The following CDH18 variants were observed in gnomAD, a reference collection of about 807,000 sequenced individuals.
The protein encoded by CDH18 is cadherin 18, also known as cadherin-18.
A neutral mutation model predicts 67.9 loss-of-function variants in CDH18; 31 were observed. The observed-to-expected ratio is 0.46, with a 90% CI of 0.34 to 0.62. The LOEUF (loss-of-function observed/expected upper bound fraction) is 0.62. Among genes scored for constraint, CDH18 ranks in the 20% least tolerant of loss-of-function variants. The probability of loss-of-function intolerance (pLI) is 0.01; values close to 1 mark genes in which losing one functional copy is unlikely to be tolerated. For synonymous variants in CDH18, 362 were observed against 347.2 expected, an observed-to-expected ratio of 1.04 and a Z score of -0.48; for missense variants, 890 against 975.5, an observed-to-expected ratio of 0.91 and a Z score of 1.17.
intron 2 of CDH18, among the ~76,000 whole-genome samples, chr5:20,198,947 C>T (rs1005117668): frequency 6.6e-6 from 1 of 152,188 alleles, no homozygotes; most frequent in Non-Finnish European, 1.5e-5. Context: ...GCACAGAAGA[C>T]AATAATTGAG....
At chr5:19,920,561 T>G (rs1206439943) in intron 2 of CDH18, among the ~76,000 whole-genome samples, 29 of 147,720 alleles carry the variant, frequency 2.0e-4, no homozygotes, top group Non-Finnish European at 3.0e-5. Context: ...TCGCCTAGTC[T>G]GGAGTACAAT....
intron 1 of CDH18, among the ~76,000 whole-genome samples, chr5:20,536,849 T>C (rs974442258): frequency 6.6e-6 from 1 of 152,112 alleles, no homozygotes; most frequent in Middle Eastern, 3.2e-3. Flanking sequence ...TGAAAAGGGA[T>C]ATGAAAATGG....
intron 2 of CDH18, among the ~76,000 whole-genome samples, chr5:19,965,491 C>G (rs1353092716): frequency 6.6e-6 from 1 of 152,102 alleles, no homozygotes; most frequent in African/African-American, 2.4e-5. Context: ...AACACACTCC[C>G]CTGATACAGG....
chr5:19,599,697 T>C (rs551435140), intron 6 of CDH18, among the ~76,000 whole-genome samples: 11 of 151,798 alleles, frequency 7.2e-5, no homozygotes, highest in Admixed American at 5.2e-4. Flanking sequence ...GATCAAGAGA[T>C]CGAGACCATC....
At chr5:19,846,358 A>G (rs1782948158) in intron 2 of CDH18, among the ~76,000 whole-genome samples, 1 of 152,108 alleles carries the variant, frequency 6.6e-6, no homozygotes, top group South Asian at 2.1e-4. Context: ...TTGTGTACCA[A>G]TTAATATATT....
intron 5 of CDH18, among the ~76,000 whole-genome samples, chr5:19,694,529 G>A (rs573446265): frequency 6.6e-6 from 1 of 152,156 alleles, no homozygotes; most frequent in Non-Finnish European, 1.5e-5. Context: ...TAACTATAAA[G>A]TTTAGTCAAT....
chr5:19,489,301 G>A lies in CDH18; in HGVS notation c.1631-5749C>T, dbSNP rs531538313. 2.2e-3 allele frequency among the ~76,000 whole-genome samples: 313 copies of A among 144,426 alleles called. 1 individual carries two copies. The highest frequency in any genetic ancestry group is 3.6e-3 in the Non-Finnish European group (238 of 67,020). 94.7% of individuals were successfully genotyped at this position (144,426 alleles called of 152,430 possible). A position where few individuals can be genotyped will look rare whatever the true frequency, so the allele number is the denominator to read the frequency against. On this transcript the variant is annotated intron_variant, in intron 11 of 12. Coordinates refer to ENST00000382275, the MANE Select transcript of CDH18 (RefSeq NM_004934.5). ...CTCTCTCTGTCGCCCAGGCTGGAGT[G>A]CAGTGGTGCAATCTTGGCTCACTGC...
At chr5:19,601,392 A>G (rs1026172237) in intron 6 of CDH18, among the ~76,000 whole-genome samples, 5 of 152,222 alleles carry the variant, frequency 3.3e-5, no homozygotes, top group African/African-American at 1.2e-4. Flanking sequence ...ATGACTTACC[A>G]TGACAAAATT....
intron 2 of CDH18, among the ~76,000 whole-genome samples, chr5:20,031,272 T>A (rs1739370752): frequency 6.6e-6 from 1 of 152,136 alleles, no homozygotes; most frequent in Non-Finnish European, 1.5e-5. Flanking sequence ...AAACCCAGGA[T>A]TCTTTAGCAT....
At chr5:20,556,699 T>G (rs1249356184) in intron 1 of CDH18, among the ~76,000 whole-genome samples, 1 of 152,142 alleles carries the variant, frequency 6.6e-6, no homozygotes, top group Non-Finnish European at 1.5e-5. Context: ...CCCACTCCCT[T>G]CCATCCAGCC....
At chr5:19,701,534 C>G (rs553443383) in intron 5 of CDH18, among the ~76,000 whole-genome samples, 1 of 152,086 alleles carries the variant, frequency 6.6e-6, no homozygotes, top group Non-Finnish European at 1.5e-5. Flanking sequence ...CCCCTTTGGT[C>G]ATAGATCACA....
At chr5:20,542,157 C>T (rs1003068631) in intron 1 of CDH18, among the ~76,000 whole-genome samples, 1 of 152,088 alleles carries the variant, frequency 6.6e-6, no homozygotes, top group Non-Finnish European at 1.5e-5. Context: ...TGTTCACCAT[C>T]AGAGTTCAGT....
intron 1 of CDH18, among the ~76,000 whole-genome samples, chr5:20,487,919 T>A (rs1206536821): frequency 6.6e-6 from 1 of 152,130 alleles, no homozygotes; most frequent in East Asian, 1.9e-4. Context: ...TTCGAGATCC[T>A]AATGTAAAAC....
At chr5:19,775,719 G>A (rs527329718) in intron 3 of CDH18, among the ~76,000 whole-genome samples, 1 of 152,226 alleles carries the variant, frequency 6.6e-6, no homozygotes, top group South Asian at 2.1e-4. Flanking sequence ...AAATATCCAA[G>A]CTATATCAGT....
intron 1 of CDH18, among the ~76,000 whole-genome samples, chr5:20,323,861 T>C (rs1195378578): frequency 2.0e-5 from 3 of 152,184 alleles, no homozygotes; most frequent in African/African-American, 7.2e-5. Context: ...CTTTCAAATA[T>C]CCAGAATTCT....
At position 19,571,648 on chromosome 5, in the gene CDH18, T is replaced by A; in HGVS notation, c.1184A>T (p.Asn395Ile). The change falls in exon 8 of 13, where the codon AAT becomes ATT. Residue 395 changes from asparagine to isoleucine, a missense_variant. Coordinates refer to ENST00000382275, the MANE Select transcript of CDH18 (RefSeq NM_004934.5). ...ACCAACGACGGTCCCAATCTTGGCA[T>A]TTTCGTAGACTTCCATGAGGTAGGA... ...MPSYLMEVYE[N>I]AKIGTVVGTV... 1 of 1,613,998 alleles carries A rather than the reference T, an allele frequency of 6.2e-7. No homozygotes were observed. Among genetic ancestry groups the A allele is most frequent in the Non-Finnish European group, 8.5e-7 (1 of 1,179,920 alleles).
intron 5 of CDH18, among the ~76,000 whole-genome samples, chr5:19,624,376 T>A (rs1468212578): frequency 6.6e-6 from 1 of 152,144 alleles, no homozygotes; most frequent in Non-Finnish European, 1.5e-5. Context: ...GCATGCTATA[T>A]GTATATACAA....
intron 5 of CDH18, among the ~76,000 whole-genome samples, chr5:19,676,149 A>G (rs947297738): frequency 5.9e-5 from 9 of 152,106 alleles, no homozygotes; most frequent in African/African-American, 2.2e-4. Flanking sequence ...CAAAAAATAA[A>G]GAATAAAAAA....
intron 2 of CDH18, among the ~76,000 whole-genome samples, chr5:20,098,636 C>T (rs898361748): frequency 1.3e-5 from 2 of 151,980 alleles, no homozygotes; most frequent in African/African-American, 4.8e-5. Context: ...TTGTCATTTT[C>T]AATTTTTTCC....
Sources: allele counts gnomAD v4.1 joint callset (sites outside exome capture counted in the v4.1 genomes callset), GRCh38; gene constraint gnomAD v4.1.1; transcripts MANE v1.5; gene names NCBI Gene and HGNC (gene_info 2026-07-23, HGNC 2026-07-21).